RXRA: variants seen among roughly 807,000 people sequenced by gnomAD.
RXRA encodes the protein retinoid X receptor alpha.
Under a neutral mutation model 44.5 loss-of-function variants are expected in RXRA, and 5 were observed. The observed-to-expected ratio is 0.11, with a 90% CI of 0.06 to 0.24. The LOEUF (loss-of-function observed/expected upper bound fraction) is 0.24, where lower values mean the gene tolerates loss of function less well. Among genes scored for constraint, RXRA ranks in the 10% least tolerant of loss-of-function variants. The pLI, the probability that RXRA is intolerant of heterozygous loss-of-function variation, is 1.00. For missense variants in RXRA, 412 were observed against 646.5 expected (o/e 0.64, Z 3.93); for synonymous variants, 291 against 271.4 (o/e 1.07, Z -0.71).
At position 134,415,924 on chromosome 9, in the gene RXRA, T is replaced by C. The variant is rs547276434; in HGVS notation, c.611-1234T>C. ...CGGTTTACTCACTTAGACCAGTCAT[T>C]TTCTCTCTCAGCCATAGTTTTCTCA... is the stretch of plus-strand genomic sequence containing the variant. On this transcript the variant is annotated intron_variant, in intron 4 of 9. Coordinates refer to ENST00000481739, the MANE Select transcript of RXRA (RefSeq NM_002957.6). 7.2e-5 allele frequency among the ~76,000 whole-genome samples: 11 copies of C among 152,322 alleles called. 1 individual carries two copies. Among genetic ancestry groups the C allele is most frequent in the Admixed American group, 3.9e-4 (6 of 15,310 alleles).
intron 1 of RXRA, among the ~76,000 whole-genome samples, chr9:134,390,075 TG>T (rs1467431076): frequency 2.0e-5 from 3 of 152,302 alleles, no homozygotes; most frequent in Middle Eastern, 3.4e-3. Context: ...GTGGCCGTCC[TG>T]GGGGCAGCAG....
intron 1 of RXRA, among the ~76,000 whole-genome samples, chr9:134,354,314 GTT>G (rs1489399681): frequency 6.6e-6 from 1 of 152,222 alleles, no homozygotes; most frequent in Non-Finnish European, 1.5e-5. Flanking sequence ...AGCTGCGTGT[GTT>G]TTCACTGTGA....
chr9:134,354,012 A>G (rs1830253397), intron 1 of RXRA, among the ~76,000 whole-genome samples: 1 of 152,118 alleles, frequency 6.6e-6, no homozygotes, highest in Non-Finnish European at 1.5e-5. Flanking sequence ...CTCCTGGGGA[A>G]AGGGGGCAGA....
intron 1 of RXRA, 25 bp from the exon 2 acceptor site, chr9:134,401,607 T>G: frequency 6.2e-7 from 1 of 1,612,242 alleles, no homozygotes; most frequent in Non-Finnish European, 8.5e-7. Context: ...CACTGACCAC[T>G]CTCCTGCGGC....
rs573685625 is a variant in RXRA, at chr9:134,424,895, G to T, written c.910+3090G>T. On this transcript the variant is annotated intron_variant, in intron 6 of 9. Coordinates refer to ENST00000481739, the MANE Select transcript of RXRA (RefSeq NM_002957.6). ...GAGGCAGTGGCAGAGGTGAGGCCCC[G>T]CCCAGCTCCGGCAGGTGCCAGGGCC... 1.5e-5 allele frequency: 15 copies of T among 985,334 alleles called. No individual in the cohort carries two copies. In the South Asian group the frequency reaches 4.7e-4, roughly 31 times the overall value. 61.0% of individuals were successfully genotyped at this position (985,334 alleles called of 1,614,324 possible).
rs1358343477 is a variant in RXRA, at chr9:134,417,680, C to T, written c.780+353C>T. ...GGCCTGTCTCGGTGCAGAGGCTGTC[C>T]CTGCTCCCCGGTGCCACTTGGAAAA... is the stretch of plus-strand genomic sequence containing the variant. On this transcript the variant is annotated intron_variant, in intron 5 of 9. Transcript: ENST00000481739. This position sits in a 1 kb window ranked among gnomAD's most constrained non-coding sequence, Gnocchi z 6.1. Among the ~76,000 whole-genome samples, 1 of 152,094 alleles carries T rather than the reference C, an allele frequency of 6.6e-6. No homozygotes were observed. Among genetic ancestry groups the T allele is most frequent in the Non-Finnish European group, 1.5e-5 (1 of 67,990 alleles).
chr9:134,411,038 G>A (rs999867908), intron 4 of RXRA, among the ~76,000 whole-genome samples: 4 of 152,224 alleles, frequency 2.6e-5, no homozygotes, highest in Admixed American at 6.5e-5. Context: ...CAGGCAGGCA[G>A]GAGGGCTGTT....
chr9:134,429,124 C>T lies in RXRA; in HGVS notation c.927C>T (p.Leu309=), dbSNP rs777839204. The change falls in exon 7 of 10, where the codon CTC becomes CTT. Residue 309 remains leucine, a synonymous_variant. Coordinates refer to ENST00000481739, the MANE Select transcript of RXRA (RefSeq NM_002957.6). ...ILLRAGWNEL[L]IASFSHRSIA... ...CCTCCCCAGGCTGGAATGAGCTGCT[C>T]ATCGCCTCCTTCTCCCACCGCTCCA... is the stretch of plus-strand genomic sequence containing the variant. 5.3e-5 allele frequency: 85 copies of T among 1,612,934 alleles called. No homozygotes were observed. Among genetic ancestry groups the T allele is most frequent in the Middle Eastern group, 1.6e-4 (1 of 6,082 alleles).
Position 134,335,747 on chromosome 9 carries a change from G to A in RXRA, c.28+9088G>A, listed in dbSNP as rs574677946. ...GGTCTGGAGTGTGACTCCTACCGGC[G>A]CCCATGTGCGGTACCCCACCTCGGG... On this transcript the variant is annotated intron_variant, in intron 1 of 9. Coordinates refer to ENST00000481739, the MANE Select transcript of RXRA (RefSeq NM_002957.6). Among the ~76,000 whole-genome samples, 19 of 152,240 alleles carry A rather than the reference G, an allele frequency of 1.2e-4. No homozygotes were observed. The South Asian group carries it at 1.7e-3, about 13-fold the overall frequency.
At chr9:134,379,596 G>A (rs192712908) in intron 1 of RXRA, 3 of 985,428 alleles carry the variant, frequency 3.0e-6, no homozygotes, top group East Asian at 1.1e-4. Context: ...TGATGCTCCT[G>A]TGCTCCCTGA....
intron 1 of RXRA, among the ~76,000 whole-genome samples, chr9:134,358,153 G>A (rs62576326): frequency 1.1e-3 from 168 of 152,368 alleles, no homozygotes; most frequent in African/African-American, 3.2e-3. Context: ...GCCACCTGCC[G>A]AGGACGGAGC....
chr9:134,436,714 G>C lies in RXRA; in HGVS notation c.*100G>C. 1 of 1,416,398 alleles carries C rather than the reference G, an allele frequency of 7.1e-7. No individual in the cohort carries two copies. Among genetic ancestry groups the C allele is most frequent in the Non-Finnish European group, 9.7e-7 (1 of 1,032,034 alleles). 87.7% of individuals were successfully genotyped at this position (1,416,398 alleles called of 1,614,324 possible). A position where few individuals can be genotyped will look rare whatever the true frequency, so the allele number is the denominator to read the frequency against. On this transcript the variant is annotated 3_prime_UTR_variant, in exon 10 of 10. Transcript: ENST00000481739. ...GCCCTGTCCCTGCCCTTCTCTGCCTGGCCTGTTTGGACTTTGGGGCACAGC... is the reference window on the plus strand; with the variant it reads ...GCCCTGTCCCTGCCCTTCTCTGCCTCGCCTGTTTGGACTTTGGGGCACAGC...
chr9:134,395,220 T>A (rs564551143), intron 1 of RXRA, among the ~76,000 whole-genome samples: 7 of 152,372 alleles, frequency 4.6e-5, no homozygotes, highest in African/African-American at 1.7e-4. Flanking sequence ...CTGGCAGGAC[T>A]GTGGCGTTGT....
chr9:134,344,482 GC>G (rs1443402026), intron 1 of RXRA, among the ~76,000 whole-genome samples: 1 of 152,194 alleles, frequency 6.6e-6, no homozygotes, highest in Non-Finnish European at 1.5e-5. Flanking sequence ...CTGGGCACCC[GC>G]CCAAGGCTTA....
intron 1 of RXRA, among the ~76,000 whole-genome samples, chr9:134,353,369 G>C (rs1438334713): frequency 3.3e-5 from 5 of 152,184 alleles, no homozygotes; most frequent in Non-Finnish European, 7.4e-5. Context: ...TGGGAAGGCA[G>C]GTGGTCTGGG....
At chr9:134,368,896 A>AGT (rs1830449544) in intron 1 of RXRA, among the ~76,000 whole-genome samples, 1 of 31,762 alleles carries the variant, frequency 3.1e-5, no homozygotes, top group Non-Finnish European at 5.9e-5. Flanking sequence ...TGCAGGGGTT[A>AGT]TGTGTGTGTG....
chr9:134,396,896 G>A (rs974886825), intron 1 of RXRA, among the ~76,000 whole-genome samples: 3 of 152,204 alleles, frequency 2.0e-5, no homozygotes, highest in African/African-American at 7.2e-5. Context: ...AAGGGATGTG[G>A]GGATTTTGAG....
At chr9:134,427,134 C>T in intron 6 of RXRA, 10 of 983,720 alleles carry the variant, frequency 1.0e-5, no homozygotes, top group Non-Finnish European at 1.2e-5. Context: ...AGACTTCTCC[C>T]AAATGTGATG....
intron 1 of RXRA, among the ~76,000 whole-genome samples, chr9:134,331,716 G>A (rs145707144): frequency 4.6e-5 from 7 of 152,370 alleles, no homozygotes; most frequent in African/African-American, 1.4e-4. Context: ...CTTAGTGGAT[G>A]GGGACACTGA....
Sources: gnomAD v4.1 joint callset for allele counts (sites outside exome capture counted in the v4.1 genomes callset) on GRCh38, gnomAD v4.1.1 for gene constraint, Gnocchi (gnomAD v3.1) non-coding constraint, MANE v1.5 for transcripts, NCBI Gene and HGNC (gene_info 2026-07-23, HGNC 2026-07-21) for gene names.